The following LRRC7 variants were observed in gnomAD, a reference collection of about 807,000 sequenced individuals.
The protein encoded by LRRC7 is leucine rich repeat containing 7, also known as leucine-rich repeat-containing protein 7.
A neutral mutation model predicts 175.7 loss-of-function variants in LRRC7; 23 were observed. The observed-to-expected ratio is 0.13, with a 90% CI of 0.09 to 0.19. The LOEUF is 0.19. Among genes scored for constraint, LRRC7 ranks in the 10% least tolerant of loss-of-function variants. The pLI is 1.00. For synonymous variants in LRRC7, 685 were observed against 680.9 expected (o/e 1.01, Z -0.09); for missense variants, 1,354 against 1,904.7 (o/e 0.71, Z 5.38).
At chr1:70,055,381 A>G (rs1189229375) in intron 23 of LRRC7, among the ~76,000 whole-genome samples, 2 of 152,194 alleles carry the variant, frequency 1.3e-5, no homozygotes, top group African/African-American at 4.8e-5. Flanking sequence ...AGCTTTTCAG[A>G]GAATGAATTA....
At chr1:70,078,514 C>A (rs1558050751) in intron 24 of LRRC7, among the ~76,000 whole-genome samples, 2 of 152,214 alleles carry the variant, frequency 1.3e-5, no homozygotes, top group Admixed American at 1.3e-4. Flanking sequence ...TATTTTCCAG[C>A]ACACCACTGA....
At chr1:70,089,630 C>T in intron 24 of LRRC7, 97 bp from the exon 25 acceptor site, 1 of 804,680 alleles carries the variant, frequency 1.2e-6, no homozygotes, top group Non-Finnish European at 2.0e-6. Flanking sequence ...CCTAAGAAAC[C>T]AAGTGAAATG....
chr1:69,869,466 G>C (rs1685288975), intron 7 of LRRC7, among the ~76,000 whole-genome samples: 1 of 152,072 alleles, frequency 6.6e-6, no homozygotes, highest in Non-Finnish European at 1.5e-5. Flanking sequence ...AATTCAGTTT[G>C]AGGAATCCAA....
At chr1:69,695,538 A>G (rs553161400) in intron 2 of LRRC7, among the ~76,000 whole-genome samples, 48 of 152,360 alleles carry the variant, frequency 3.2e-4, no homozygotes, top group African/African-American at 1.1e-3. Context: ...AGAGCTTTGC[A>G]TGACTAAAAT....
At chr1:69,598,383 ATATC>A (rs796720808) in intron 1 of LRRC7, among the ~76,000 whole-genome samples, 1 of 152,174 alleles carries the variant, frequency 6.6e-6, no homozygotes, top group Non-Finnish European at 1.5e-5. Context: ...ATATTTAGAT[ATATC>A]TATCTATCTA....
At chr1:70,024,310 A>G (rs1011340312) in intron 17 of LRRC7, among the ~76,000 whole-genome samples, 1 of 150,890 alleles carries the variant, frequency 6.6e-6, no homozygotes, top group African/African-American at 2.4e-5. Context: ...AATATATTAT[A>G]ATATATTAAA....
chr1:69,653,766 A>G (rs768583917), intron 1 of LRRC7, among the ~76,000 whole-genome samples: 2 of 152,064 alleles, frequency 1.3e-5, no homozygotes, highest in Non-Finnish European at 2.9e-5. Flanking sequence ...CGTCCACAGT[A>G]TAATATTACT....
At chr1:69,963,318 AAG>A (rs758992239) in intron 8 of LRRC7, among the ~76,000 whole-genome samples, 7,232 of 146,478 alleles carry the variant, frequency 0.049, 150 homozygotes, top group South Asian at 0.098. Flanking sequence ...AAAAAAAAAA[AAG>A]AAAGAAAGAA....
chr1:69,696,996 C>A (rs1358783225), intron 2 of LRRC7, among the ~76,000 whole-genome samples: 1 of 152,068 alleles, frequency 6.6e-6, no homozygotes, highest in Admixed American at 6.5e-5. Flanking sequence ...GAAACATCTG[C>A]TTTTCTACCT....
chr1:69,736,706 T>A (rs1348644350), intron 2 of LRRC7, among the ~76,000 whole-genome samples: 1 of 152,134 alleles, frequency 6.6e-6, no homozygotes, highest in Non-Finnish European at 1.5e-5. Flanking sequence ...TAGTCAGGGC[T>A]TTGGGACTTT....
At chr1:69,904,300 TA>T (rs1035438948) in intron 7 of LRRC7, among the ~76,000 whole-genome samples, 1 of 148,044 alleles carries the variant, frequency 6.8e-6, no homozygotes, top group Non-Finnish European at 1.5e-5. Flanking sequence ...CAATAAATAT[TA>T]AAAAAGAAGA....
chr1:69,884,613 C>T (rs1439587148), intron 7 of LRRC7, among the ~76,000 whole-genome samples: 1 of 137,984 alleles, frequency 7.2e-6, no homozygotes, highest in Non-Finnish European at 1.5e-5. Flanking sequence ...TTATTTCCTT[C>T]TCCTGCCTAA....
intron 4 of LRRC7, among the ~76,000 whole-genome samples, chr1:69,817,580 TC>T (rs1438484014): frequency 1.3e-5 from 2 of 152,142 alleles, no homozygotes; most frequent in Admixed American, 1.3e-4. Flanking sequence ...TCCAGCTTTT[TC>T]TTCTTGCTCA....
chr1:69,738,838 G>C (rs1271186369), intron 2 of LRRC7, among the ~76,000 whole-genome samples: 1 of 151,924 alleles, frequency 6.6e-6, no homozygotes, highest in Non-Finnish European at 1.5e-5. Flanking sequence ...AAACTTAAGT[G>C]GACCCTGGAG....
intron 7 of LRRC7, among the ~76,000 whole-genome samples, chr1:69,863,784 A>G (rs1684615358): frequency 6.6e-6 from 1 of 152,042 alleles, no homozygotes; most frequent in African/African-American, 2.4e-5. Flanking sequence ...CTCTGCCTCC[A>G]CTCTGCCACA....
At chr1:69,765,336 C>G (rs1671509727) in intron 3 of LRRC7, among the ~76,000 whole-genome samples, 1 of 152,092 alleles carries the variant, frequency 6.6e-6, no homozygotes, top group Non-Finnish European at 1.5e-5. Flanking sequence ...AAAAACAAAT[C>G]AGAATCTCAG....
intron 5 of LRRC7, among the ~76,000 whole-genome samples, chr1:69,833,604 T>C (rs928627076): frequency 3.3e-5 from 5 of 151,992 alleles, no homozygotes; most frequent in African/African-American, 1.2e-4. Flanking sequence ...CATAGGAAGA[T>C]AAACCATGGA....
intron 11 of LRRC7, among the ~76,000 whole-genome samples, chr1:69,996,938 A>G (rs890497652): frequency 4.6e-5 from 7 of 152,220 alleles, no homozygotes; most frequent in African/African-American, 1.7e-4. Flanking sequence ...CTGTGAAGAA[A>G]GGCATTGGTA....
intron 26 of LRRC7, among the ~76,000 whole-genome samples, chr1:70,114,198 T>G (rs1012581547): frequency 3.9e-5 from 6 of 152,218 alleles, no homozygotes; most frequent in African/African-American, 1.4e-4. Flanking sequence ...TTCTATAGTT[T>G]ATCTTATTTG....
Sources: allele counts gnomAD v4.1 joint callset (sites outside exome capture counted in the v4.1 genomes callset), GRCh38; gene constraint gnomAD v4.1.1; transcripts MANE v1.5; gene names NCBI Gene and HGNC (gene_info 2026-07-23, HGNC 2026-07-21).